The following CNTNAP5 variants were observed in gnomAD, a reference collection of about 807,000 sequenced individuals.
The protein encoded by CNTNAP5 is contactin-associated protein-like 5.
CNTNAP5 carries 72 observed loss-of-function variants against 150.2 expected under a neutral mutation model. That is an observed-to-expected ratio of 0.48 (90% CI 0.40 to 0.58). CNTNAP5 has a LOEUF of 0.58. Among genes scored for constraint, CNTNAP5 ranks in the 20% least tolerant of loss-of-function variants. The pLI, the probability that CNTNAP5 is intolerant of heterozygous loss-of-function variation, is 0.00. For missense variants in CNTNAP5, 1,636 were observed against 1,626.2 expected (o/e 1.01, Z -0.10); for synonymous variants, 672 against 619.8 (o/e 1.08, Z -1.25).
At chr2:124,515,498 C>T (rs943635909) in intron 8 of CNTNAP5, among the ~76,000 whole-genome samples, 23 of 151,142 alleles carry the variant, frequency 1.5e-4, no homozygotes, top group Non-Finnish European at 3.4e-4. Flanking sequence ...CTGCTTCATT[C>T]GTTTCCTGAT....
chr2:124,899,714 A>G (rs1015199942), intron 21 of CNTNAP5, among the ~76,000 whole-genome samples: 1 of 151,372 alleles, frequency 6.6e-6, no homozygotes, highest in Middle Eastern at 3.2e-3. Flanking sequence ...TTGAGGAGCC[A>G]TATTCACTAT....
chr2:124,236,691 C>T (rs1434384990), intron 2 of CNTNAP5, among the ~76,000 whole-genome samples: 3 of 152,068 alleles, frequency 2.0e-5, no homozygotes, highest in Non-Finnish European at 4.4e-5. Flanking sequence ...TTCAAGTTAG[C>T]CTCACAGTAA....
intron 3 of CNTNAP5, among the ~76,000 whole-genome samples, chr2:124,313,273 C>T (rs149406062): frequency 1.5e-4 from 22 of 146,420 alleles, no homozygotes; most frequent in African/African-American, 5.1e-4. Context: ...TGTTTTGTTT[C>T]GTTTTGTTTT....
chr2:124,454,357 C>T (rs1693063515), intron 6 of CNTNAP5, among the ~76,000 whole-genome samples: 1 of 152,104 alleles, frequency 6.6e-6, no homozygotes, highest in African/African-American at 2.4e-5. Context: ...TTATCACAGT[C>T]ATAAATATAT....
At chr2:124,139,977 G>C (rs1684071322) in intron 1 of CNTNAP5, among the ~76,000 whole-genome samples, 2 of 152,216 alleles carry the variant, frequency 1.3e-5, no homozygotes, top group African/African-American at 2.4e-5. Flanking sequence ...CCTCACTCGG[G>C]AAGCGCAAGG....
chr2:124,522,688 A>G (rs1386702494), intron 8 of CNTNAP5, among the ~76,000 whole-genome samples: 1 of 131,628 alleles, frequency 7.6e-6, no homozygotes, highest in African/African-American at 2.7e-5. Context: ...TATTGTTTAA[A>G]GTCCTCCTGG....
At chr2:124,367,195 A>T (rs1354431884) in intron 3 of CNTNAP5, among the ~76,000 whole-genome samples, 1 of 152,326 alleles carries the variant, frequency 6.6e-6, no homozygotes, top group South Asian at 2.1e-4. Context: ...TGGTAAAAAC[A>T]GAGAGAACAG....
At chr2:124,621,732 G>A (rs888325067) in intron 12 of CNTNAP5, among the ~76,000 whole-genome samples, 2 of 152,154 alleles carry the variant, frequency 1.3e-5, no homozygotes, top group Admixed American at 1.3e-4. Flanking sequence ...ACCCAGGTCT[G>A]CCAGTGTAGG....
chr2:124,714,355 A>T (rs2105108996), intron 13 of CNTNAP5, among the ~76,000 whole-genome samples: 1 of 152,346 alleles, frequency 6.6e-6, no homozygotes, highest in Admixed American at 6.5e-5. Flanking sequence ...AGAAAATGTT[A>T]TAATAGATAA....
intron 1 of CNTNAP5, among the ~76,000 whole-genome samples, chr2:124,191,977 C>T (rs940244230): frequency 6.6e-6 from 1 of 152,014 alleles, no homozygotes; most frequent in South Asian, 2.1e-4. Flanking sequence ...GCTGCAGTCT[C>T]GTGTCTCCTT....
intron 2 of CNTNAP5, among the ~76,000 whole-genome samples, chr2:124,227,933 C>G (rs1686505801): frequency 6.6e-6 from 1 of 151,938 alleles, no homozygotes; most frequent in Admixed American, 6.6e-5. Context: ...TACATATATA[C>G]ACGCACACAC....
intron 13 of CNTNAP5, among the ~76,000 whole-genome samples, chr2:124,744,359 C>A (rs1680562741): frequency 6.6e-6 from 1 of 152,114 alleles, no homozygotes; most frequent in South Asian, 2.1e-4. Flanking sequence ...AATTGTGAGT[C>A]CATTAATCCT....
chr2:124,867,208 A>G (rs1017269571), intron 20 of CNTNAP5, among the ~76,000 whole-genome samples: 2 of 152,178 alleles, frequency 1.3e-5, no homozygotes, highest in Non-Finnish European at 2.9e-5. Flanking sequence ...TAATATACAG[A>G]CAACAATAGC....
At chr2:124,558,603 A>G (rs1695812979) in intron 10 of CNTNAP5, among the ~76,000 whole-genome samples, 1 of 152,206 alleles carries the variant, frequency 6.6e-6, no homozygotes, top group Admixed American at 6.5e-5. Flanking sequence ...AAAAGAAGCC[A>G]AAAATTCATA....
At chr2:124,552,025 A>G (rs539572769) in intron 10 of CNTNAP5, among the ~76,000 whole-genome samples, 2 of 152,022 alleles carry the variant, frequency 1.3e-5, no homozygotes, top group African/African-American at 4.8e-5. Context: ...CACACAGTTA[A>G]CTACTGTGCT....
chr2:124,763,109 A>T (rs934512267), intron 14 of CNTNAP5, among the ~76,000 whole-genome samples: 1 of 152,168 alleles, frequency 6.6e-6, no homozygotes, highest in African/African-American at 2.4e-5. Flanking sequence ...TGCATGGTTA[A>T]CAAAAACAAA....
chr2:124,813,925 C>T (rs947260159), intron 19 of CNTNAP5, among the ~76,000 whole-genome samples: 11 of 151,994 alleles, frequency 7.2e-5, no homozygotes, highest in Admixed American at 1.3e-4. Context: ...ATTACTGCCA[C>T]GGAGTTCAAA....
intron 3 of CNTNAP5, among the ~76,000 whole-genome samples, chr2:124,404,165 T>A (rs554085634): frequency 6.6e-6 from 1 of 152,276 alleles, no homozygotes; most frequent in African/African-American, 2.4e-5. Flanking sequence ...GGCAAGGTGG[T>A]GTGTTTGGCA....
At chr2:124,052,609 G>C (rs1478886088) in intron 1 of CNTNAP5, among the ~76,000 whole-genome samples, 1 of 152,214 alleles carries the variant, frequency 6.6e-6, no homozygotes, top group Non-Finnish European at 1.5e-5. Context: ...TCTTGAGGGG[G>C]TGGAGATAAT....
Sources: allele counts gnomAD v4.1 joint callset (sites outside exome capture counted in the v4.1 genomes callset), GRCh38; gene constraint gnomAD v4.1.1; transcripts MANE v1.5; gene names NCBI Gene and HGNC (gene_info 2026-07-23, HGNC 2026-07-21).